The following RNLS variants were observed in gnomAD, a reference collection of about 807,000 sequenced individuals.
RNLS encodes renalase, FAD dependent amine oxidase, also known as renalase.
RNLS carries 39 observed loss-of-function variants against 39.8 expected under a neutral mutation model. The observed-to-expected ratio is 0.98, with a 90% confidence interval of 0.76 to 1.28. The LOEUF (loss-of-function observed/expected upper bound fraction) is 1.28. Among genes scored for constraint, RNLS ranks in the 50% most tolerant of loss-of-function variants. The pLI is 0.00. For missense variants in RNLS, 410 were observed against 413.3 expected (o/e 0.99, Z 0.07); for synonymous variants, 147 against 150.7 (o/e 0.98, Z 0.18).
chr10:88,528,090 G>A (rs1460240689), intron 4 of RNLS, among the ~76,000 whole-genome samples: 1 of 151,634 alleles, frequency 6.6e-6, no homozygotes, highest in Non-Finnish European at 1.5e-5. Flanking sequence ...GAAAAGAAAA[G>A]AAAATGAAGG....
At chr10:88,391,887 C>A (rs1357155713) in intron 4 of RNLS, among the ~76,000 whole-genome samples, 1 of 152,190 alleles carries the variant, frequency 6.6e-6, no homozygotes, top group East Asian at 1.9e-4. Flanking sequence ...TCCCCTGCCC[C>A]CAGCTCTGCA....
chr10:88,554,788 T>A (rs1021605315), intron 4 of RNLS, among the ~76,000 whole-genome samples: 1 of 152,302 alleles, frequency 6.6e-6, no homozygotes, highest in East Asian at 1.9e-4. Flanking sequence ...ATCTTGCTCC[T>A]ACATAATCAA....
chr10:88,506,780 AC>A (rs1489167459), intron 4 of RNLS, among the ~76,000 whole-genome samples: 1 of 152,108 alleles, frequency 6.6e-6, no homozygotes, highest in Non-Finnish European at 1.5e-5. Context: ...ATTCTAAAAA[AC>A]CAAAAAGTCA....
At chr10:88,348,534 C>T (rs1448754193) in intron 5 of RNLS, among the ~76,000 whole-genome samples, 1 of 152,142 alleles carries the variant, frequency 6.6e-6, no homozygotes, top group African/African-American at 2.4e-5. Flanking sequence ...ATGTTTAAGA[C>T]TCACGTTTTA....
intron 4 of RNLS, among the ~76,000 whole-genome samples, chr10:88,439,399 A>G (rs1841587210): frequency 6.6e-6 from 1 of 152,198 alleles, no homozygotes; most frequent in Non-Finnish European, 1.5e-5. Context: ...TTTTCCTCAG[A>G]GCAATTTTAG....
intron 4 of RNLS, among the ~76,000 whole-genome samples, chr10:88,425,793 C>T (rs994057084): frequency 2.0e-5 from 3 of 151,704 alleles, no homozygotes; most frequent in Admixed American, 6.6e-5. Context: ...GAGAAAAAAA[C>T]GTTGATGTGA....
At chr10:88,174,634 T>A in the RNLS span, among the ~76,000 whole-genome samples, 1 of 152,222 alleles carries the variant, frequency 6.6e-6, no homozygotes, top group African/African-American at 2.4e-5. Flanking sequence ...TATTAGCTTT[T>A]TGATATACTG....
chr10:88,210,711 G>A, the RNLS span, among the ~76,000 whole-genome samples: 9 of 152,104 alleles, frequency 5.9e-5, no homozygotes, highest in South Asian at 6.2e-4. Flanking sequence ...GTTGCTACTC[G>A]AATTCCAGTG....
intron 4 of RNLS, among the ~76,000 whole-genome samples, chr10:88,467,154 T>C (rs1401128311): frequency 1.3e-5 from 2 of 152,126 alleles, no homozygotes; most frequent in Non-Finnish European, 2.9e-5. Flanking sequence ...TATTTCATTT[T>C]GTTGGGCTGT....
intron 6 of RNLS, among the ~76,000 whole-genome samples, chr10:88,295,819 A>G (rs992948397): frequency 2.0e-5 from 3 of 152,186 alleles, no homozygotes; most frequent in African/African-American, 4.8e-5. Context: ...TGTATATTCA[A>G]TTGCTGAGGT....
chr10:88,259,581 A>T, the RNLS span, among the ~76,000 whole-genome samples: 1 of 152,226 alleles, frequency 6.6e-6, no homozygotes, highest in Non-Finnish European at 1.5e-5. Context: ...GAGGCGGATC[A>T]CTGCACTCTC....
chr10:88,322,695 G>A (rs1429810138), intron 5 of RNLS, among the ~76,000 whole-genome samples: 1 of 152,028 alleles, frequency 6.6e-6, no homozygotes, highest in African/African-American at 2.4e-5. Flanking sequence ...GTGTAAAAAT[G>A]GACTAATACA....
intron 4 of RNLS, among the ~76,000 whole-genome samples, chr10:88,467,850 G>GA (rs1159999299): frequency 6.6e-6 from 1 of 152,158 alleles, no homozygotes; most frequent in Non-Finnish European, 1.5e-5. Context: ...AGGCTTATTA[G>GA]AAAGGTAGAA....
chr10:88,366,437 A>C (rs1456341585), intron 4 of RNLS, among the ~76,000 whole-genome samples: 5 of 151,718 alleles, frequency 3.3e-5, no homozygotes, highest in Non-Finnish European at 7.4e-5. Context: ...GTTTGGATGA[A>C]ATATATAGGT....
At chr10:88,546,477 T>G (rs1848318941) in intron 4 of RNLS, among the ~76,000 whole-genome samples, 1 of 152,140 alleles carries the variant, frequency 6.6e-6, no homozygotes. Context: ...GTTCCCTGAT[T>G]TATGTTAACT....
chr10:88,496,784 T>C (rs10788605), intron 4 of RNLS, among the ~76,000 whole-genome samples: 53,622 of 151,914 alleles, frequency 0.35, 10,994 homozygotes, highest in African/African-American at 0.57. Context: ...TAAGAGCATC[T>C]TCCTATGATA....
chr10:88,252,724 T>C, the RNLS span, among the ~76,000 whole-genome samples: 1 of 152,186 alleles, frequency 6.6e-6, no homozygotes, highest in Non-Finnish European at 1.5e-5. Context: ...GGAGGTACCT[T>C]GAGCAGGGCT....
chr10:88,451,964 C>A (rs943598664), intron 4 of RNLS, among the ~76,000 whole-genome samples: 2 of 152,192 alleles, frequency 1.3e-5, no homozygotes, highest in Admixed American at 1.3e-4. Context: ...AGGGGCATAA[C>A]CCACTGCAAG....
chr10:88,256,277 AC>A, the RNLS span, among the ~76,000 whole-genome samples: 5 of 152,144 alleles, frequency 3.3e-5, no homozygotes, highest in Admixed American at 2.6e-4. Flanking sequence ...CCCGCGTACC[AC>A]CCGCCTGTCT....
Sources: gnomAD v4.1 joint callset for allele counts (sites outside exome capture counted in the v4.1 genomes callset) on GRCh38, gnomAD v4.1.1 for gene constraint, MANE v1.5 for transcripts, NCBI Gene and HGNC (gene_info 2026-07-23, HGNC 2026-07-21) for gene names.